Variants in KPNA4 observed in about 807,000 individuals in gnomAD.
KPNA4 encodes importin subunit alpha-3.
Under a neutral mutation model 71.3 loss-of-function variants are expected in KPNA4, and 13 were observed. The observed-to-expected ratio is 0.18, with a 90% confidence interval of 0.12 to 0.29. KPNA4 has a LOEUF of 0.29. KPNA4 is among the 10% of genes least tolerant of loss of function. The pLI, the probability that KPNA4 is intolerant of heterozygous loss-of-function variation, is 1.00. For synonymous variants in KPNA4, 189 were observed against 195.2 expected (o/e 0.97, Z 0.26); for missense variants, 334 against 603.2 (o/e 0.55, Z 4.67).
intron 13 of KPNA4, among the ~76,000 whole-genome samples, chr3:160,512,568 T>C (rs1721117377): frequency 6.6e-6 from 1 of 152,184 alleles, no homozygotes; most frequent in South Asian, 2.1e-4. Context: ...CAATAGCTGA[T>C]AAAGAAATGC....
At chr3:160,503,308 A>G (rs1720919189) in intron 16 of KPNA4, among the ~76,000 whole-genome samples, 1 of 152,214 alleles carries the variant, frequency 6.6e-6, no homozygotes, top group Non-Finnish European at 1.5e-5. Context: ...CCCTAATCTG[A>G]AAGTACAAAA....
At chr3:160,523,734 C>G (rs1392401071) in intron 10 of KPNA4, among the ~76,000 whole-genome samples, 1 of 152,036 alleles carries the variant, frequency 6.6e-6, no homozygotes, top group Non-Finnish European at 1.5e-5. Context: ...ATCTGTAAAC[C>G]CAGCTACTCG....
intron 11 of KPNA4, among the ~76,000 whole-genome samples, chr3:160,517,508 A>G (rs1279229490): frequency 6.6e-6 from 1 of 152,000 alleles, no homozygotes; most frequent in Non-Finnish European, 1.5e-5. Context: ...TCATATTGTA[A>G]CCTTATGTTT....
chr3:160,541,649 GCACA>G (rs60806533), intron 1 of KPNA4, among the ~76,000 whole-genome samples: 1,638 of 146,716 alleles, frequency 0.011, 58 homozygotes, highest in East Asian at 0.1. Flanking sequence ...TTATATACGC[GCACA>G]CACACACACA....
intron 13 of KPNA4, among the ~76,000 whole-genome samples, chr3:160,513,615 G>A (rs1319583183): frequency 6.6e-6 from 1 of 152,102 alleles, no homozygotes; most frequent in Admixed American, 6.6e-5. Flanking sequence ...ATATGAGCAT[G>A]AGAGATGATA....
intron 13 of KPNA4, among the ~76,000 whole-genome samples, chr3:160,513,491 C>T (rs1367746528): frequency 1.3e-5 from 2 of 152,026 alleles, no homozygotes; most frequent in African/African-American, 4.8e-5. Context: ...TCTTGAACTC[C>T]TGGGCTCAAG....
At position 160,525,916 on chromosome 3, in the gene KPNA4, A is replaced by AT. The variant is rs750978691; in HGVS notation, c.726+21dup. 999 of 1,534,424 alleles carry AT rather than the reference A, an allele frequency of 6.5e-4. 1 individual carries two copies. The highest frequency in any genetic ancestry group is 9.3e-4 in the South Asian group (70 of 74,970). ...TATATATATAATGGTATCTCTTTTA[A>AT]TTTTTTTTTAAAAGTGTTTACCTCC... On this transcript the variant is annotated intron_variant, in intron 9 of 16. Coordinates refer to ENST00000334256, the MANE Select transcript of KPNA4 (RefSeq NM_002268.5).
intron 5 of KPNA4, among the ~76,000 whole-genome samples, chr3:160,532,148 G>A (rs1286628592): frequency 6.6e-6 from 1 of 152,158 alleles, no homozygotes; most frequent in African/African-American, 2.4e-5. Flanking sequence ...TCCTGATTGT[G>A]ACTTATAAAA....
chr3:160,534,587 G>A (rs1188095342), intron 5 of KPNA4, among the ~76,000 whole-genome samples: 8 of 150,936 alleles, frequency 5.3e-5, no homozygotes, highest in Non-Finnish European at 1.0e-4. Context: ...GCATGGTGGC[G>A]GGCGCCTGTA....
At chr3:160,560,085 A>G (rs1722211218) in intron 1 of KPNA4, among the ~76,000 whole-genome samples, 1 of 152,130 alleles carries the variant, frequency 6.6e-6, no homozygotes, top group African/African-American at 2.4e-5. Context: ...CATTTACTGA[A>G]TACCTATTAT....
intron 1 of KPNA4, among the ~76,000 whole-genome samples, chr3:160,541,637 A>G (rs1284282528): frequency 7.6e-6 from 1 of 132,128 alleles, no homozygotes; most frequent in Non-Finnish European, 1.6e-5. Context: ...GGTTTTTAAA[A>G]GTTATATACG....
intron 1 of KPNA4, among the ~76,000 whole-genome samples, chr3:160,563,494 T>A (rs1722283979): frequency 6.6e-6 from 1 of 152,214 alleles, no homozygotes; most frequent in Admixed American, 6.5e-5. Context: ...AAAGCCACTT[T>A]AAGTGGGTGA....
At chr3:160,504,327 TAAAG>T (rs1277494824) in intron 16 of KPNA4, among the ~76,000 whole-genome samples, 2 of 152,208 alleles carry the variant, frequency 1.3e-5, no homozygotes, top group Non-Finnish European at 2.9e-5. Context: ...GAGAAATCAT[TAAAG>T]AAATCCTCTG....
At chr3:160,514,777 T>G in intron 12 of KPNA4, 1 of 357,484 alleles carries the variant, frequency 2.8e-6, no homozygotes, top group Non-Finnish European at 5.5e-6. Context: ...AATCTTTTTA[T>G]GTTACCCTTT....
intron 1 of KPNA4, among the ~76,000 whole-genome samples, chr3:160,556,617 G>C (rs1160781261): frequency 1.3e-5 from 2 of 152,140 alleles, no homozygotes; most frequent in African/African-American, 4.8e-5. Flanking sequence ...TAGAGACTGA[G>C]CATCCCTAAT....
intron 1 of KPNA4, among the ~76,000 whole-genome samples, chr3:160,549,885 C>T (rs1428256641): frequency 6.6e-6 from 1 of 152,204 alleles, no homozygotes; most frequent in Non-Finnish European, 1.5e-5. Context: ...TTTCCATGAA[C>T]ATTGGATTGT....
At chr3:160,509,924 A>C in intron 13 of KPNA4, 53 bp from the exon 14 acceptor site, 1 of 1,117,392 alleles carries the variant, frequency 8.9e-7, no homozygotes, top group Non-Finnish European at 1.4e-6. Flanking sequence ...AGTAAACTGG[A>C]AAAAATGTTT....
At chr3:160,514,230 C>T (rs373262873) in intron 12 of KPNA4, 49 bp from the exon 13 acceptor site, 13 of 1,327,768 alleles carry the variant, frequency 9.8e-6, no homozygotes, top group Non-Finnish European at 1.4e-5. Flanking sequence ...ATAAAATCTG[C>T]ATCTGAACTA....
rs550861164 is a variant in KPNA4 at position 160,509,870 on chromosome 3, C to T, written c.1139G>A (p.Gly380Glu). 6.2e-7 allele frequency: 1 copy of T among 1,610,390 alleles called. No homozygotes were observed. Among genetic ancestry groups the T allele is most frequent in the African/African-American group, 1.3e-5 (1 of 74,826 alleles). Residue 380 changes from glycine (G) to glutamate (E), a missense_variant and splice_region_variant, in exon 14 of 17, where the codon GGG becomes GAG. By Grantham distance (98) the Gly-to-Glu change is moderately conservative (BLOSUM62 -2). Transcript: ENST00000334256. ...VPMIIHLLDK[G>E]DFGTQKEAAW... is the part of the protein sequence containing the mutation. ...AGCTTCTTTTTGAGTGCCAAAATCC[C>T]CCTGTAAAAAGGCAAAACAAAGGCT...
Sources: gnomAD v4.1 joint callset for allele counts (sites outside exome capture counted in the v4.1 genomes callset) on GRCh38, gnomAD v4.1.1 for gene constraint, MANE v1.5 for transcripts, NCBI Gene and HGNC (gene_info 2026-07-23, HGNC 2026-07-21) for gene names.